EPHA6: variants seen among roughly 807,000 people sequenced by gnomAD.
EPHA6 encodes the protein EPH receptor A6.
In EPHA6, 50 loss-of-function variants were observed where a neutral mutation model predicts 112.0. That is an observed-to-expected ratio of 0.45 (90% confidence interval 0.36 to 0.56). The LOEUF (loss-of-function observed/expected upper bound fraction) is 0.56. EPHA6 is among the 20% of genes least tolerant of loss of function. The probability of loss-of-function intolerance (pLI) is 0.00; values close to 1 mark genes in which losing one functional copy is unlikely to be tolerated. For synonymous variants in EPHA6, 529 were observed against 490.7 expected, an observed-to-expected ratio of 1.08 and a Z score of -1.03; for missense variants, 1,280 against 1,417.4, an observed-to-expected ratio of 0.90 and a Z score of 1.56.
At chr3:96,855,076 C>T (rs774226047) in intron 1 of EPHA6, among the ~76,000 whole-genome samples, 8 of 152,070 alleles carry the variant, frequency 5.3e-5, no homozygotes, top group Non-Finnish European at 8.8e-5. Flanking sequence ...CCATGTTCCT[C>T]GGCTGCCTTC....
intron 11 of EPHA6, among the ~76,000 whole-genome samples, chr3:97,539,200 TGCAGTC>T (rs2092813279): frequency 6.7e-6 from 1 of 150,340 alleles, no homozygotes; most frequent in Non-Finnish European, 1.5e-5. Context: ...TAGGCTGGAG[TGCAGTC>T]GCAAGATCTG....
chr3:97,115,403 C>A (rs1319813029), intron 3 of EPHA6, among the ~76,000 whole-genome samples: 1 of 151,688 alleles, frequency 6.6e-6, no homozygotes, highest in Non-Finnish European at 1.5e-5. Flanking sequence ...TGGGGAATTA[C>A]TGGAGTGAAT....
At chr3:97,379,739 A>C (rs2085605073) in intron 5 of EPHA6, among the ~76,000 whole-genome samples, 1 of 118,012 alleles carries the variant, frequency 8.5e-6, no homozygotes. Context: ...AGAGGGTGAG[A>C]CTCTGTCTCC....
intron 3 of EPHA6, among the ~76,000 whole-genome samples, chr3:97,160,825 C>T (rs943385065): frequency 2.6e-5 from 4 of 152,152 alleles, no homozygotes; most frequent in African/African-American, 9.6e-5. Context: ...ACCAGTGTTT[C>T]AGGGCTGTTT....
chr3:96,861,947 A>C (rs547642062), intron 1 of EPHA6, among the ~76,000 whole-genome samples: 1 of 151,902 alleles, frequency 6.6e-6, no homozygotes, highest in Non-Finnish European at 1.5e-5. Context: ...GATTTTTTTC[A>C]GAATTAAATA....
chr3:97,423,221 T>C (rs2088823298), intron 6 of EPHA6, among the ~76,000 whole-genome samples: 1 of 152,194 alleles, frequency 6.6e-6, no homozygotes, highest in Non-Finnish European at 1.5e-5. Flanking sequence ...ACTATCTCTC[T>C]TCACAGATGA....
chr3:97,714,483 G>A (rs1429567763), intron 14 of EPHA6, among the ~76,000 whole-genome samples: 2 of 152,150 alleles, frequency 1.3e-5, no homozygotes, highest in South Asian at 2.1e-4. Flanking sequence ...TCTCAATAAA[G>A]GAGGAATACA....
intron 15 of EPHA6, among the ~76,000 whole-genome samples, chr3:97,733,754 C>G (rs890656222): frequency 1.3e-5 from 2 of 151,910 alleles, no homozygotes; most frequent in African/African-American, 4.8e-5. Context: ...GTATATTGTG[C>G]AAACTATGAA....
chr3:97,204,243 G>T (rs141678557), intron 3 of EPHA6, among the ~76,000 whole-genome samples: 1 of 151,978 alleles, frequency 6.6e-6, no homozygotes, highest in African/African-American at 2.4e-5. Flanking sequence ...AATTTCCTAT[G>T]TACTAGGCTC....
At chr3:97,037,562 A>G (rs1301705803) in intron 3 of EPHA6, among the ~76,000 whole-genome samples, 2 of 152,092 alleles carry the variant, frequency 1.3e-5, no homozygotes, top group Non-Finnish European at 2.9e-5. Context: ...AAGATCACAC[A>G]AGATTAAATG....
At chr3:96,864,079 C>A (rs543286298) in intron 1 of EPHA6, among the ~76,000 whole-genome samples, 1 of 152,004 alleles carries the variant, frequency 6.6e-6, no homozygotes, top group South Asian at 2.1e-4. Context: ...AAAACCAAGT[C>A]CTGGTTTGTA....
chr3:97,503,860 CT>C (rs2092183343), intron 10 of EPHA6, among the ~76,000 whole-genome samples: 1 of 151,976 alleles, frequency 6.6e-6, no homozygotes, highest in Non-Finnish European at 1.5e-5. Flanking sequence ...AATTTTACTT[CT>C]TTAGTTATTA....
intron 7 of EPHA6, among the ~76,000 whole-genome samples, chr3:97,460,601 G>A (rs1032445722): frequency 6.6e-6 from 1 of 152,192 alleles, no homozygotes; most frequent in East Asian, 1.9e-4. Flanking sequence ...CCTGCTGAAA[G>A]CTCATAGTTG....
intron 3 of EPHA6, among the ~76,000 whole-genome samples, chr3:97,010,795 C>CT (rs1416225158): frequency 6.6e-6 from 1 of 152,142 alleles, no homozygotes; most frequent in Non-Finnish European, 1.5e-5. Flanking sequence ...GTAGCTGGGA[C>CT]TACAGGCACA....
At chr3:97,703,675 T>A (rs376456328) in intron 14 of EPHA6, among the ~76,000 whole-genome samples, 33 of 152,282 alleles carry the variant, frequency 2.2e-4, no homozygotes, top group African/African-American at 7.9e-4. Context: ...ATATATTATC[T>A]TGTTTTGTGC....
At chr3:96,924,484 A>G (rs951987800) in intron 2 of EPHA6, among the ~76,000 whole-genome samples, 1 of 152,096 alleles carries the variant, frequency 6.6e-6, no homozygotes, top group African/African-American at 2.4e-5. Context: ...TGATTTTTGC[A>G]TATTGATTTT....
At chr3:97,106,890 T>C (rs2047586587) in intron 3 of EPHA6, among the ~76,000 whole-genome samples, 1 of 152,138 alleles carries the variant, frequency 6.6e-6, no homozygotes, top group Admixed American at 6.6e-5. Flanking sequence ...TTTTCTCATT[T>C]CAATAACTTA....
At chr3:97,307,962 C>T (rs72926307) in intron 5 of EPHA6, among the ~76,000 whole-genome samples, 1,591 of 151,766 alleles carry the variant, frequency 0.01, 32 homozygotes, top group African/African-American at 0.035. Flanking sequence ...AAGATAGTCT[C>T]TTCTTCTCTC....
chr3:97,652,320 A>T (rs572454014), intron 14 of EPHA6, among the ~76,000 whole-genome samples: 33 of 151,940 alleles, frequency 2.2e-4, no homozygotes, highest in African/African-American at 7.7e-4. Context: ...AAATAAAGTG[A>T]AAACATTACC....
Sources: gnomAD v4.1 joint callset for allele counts (sites outside exome capture counted in the v4.1 genomes callset) on GRCh38, gnomAD v4.1.1 for gene constraint, MANE v1.5 for transcripts, NCBI Gene and HGNC (gene_info 2026-07-23, HGNC 2026-07-21) for gene names.